Variants in SMG1 observed in about 807,000 individuals in gnomAD.
SMG1 encodes the protein serine/threonine-protein kinase SMG1.
Under a neutral mutation model 419.9 loss-of-function variants are expected in SMG1, and 22 were observed. The ratio of observed to expected loss-of-function variants is 0.05; its 90% CI spans 0.04 to 0.07. The LOEUF (loss-of-function observed/expected upper bound fraction) is 0.07. SMG1 is among the 10% of genes least tolerant of loss of function. SMG1 has a pLI of 1.00. For missense variants in SMG1, 3,185 were observed against 4,342.0 expected (o/e 0.73, Z 7.49); for synonymous variants, 1,538 against 1,553.5 (o/e 0.99, Z 0.23).
chr16:18,906,984 T>A (rs1359018064), intron 1 of SMG1, among the ~76,000 whole-genome samples: 1 of 152,224 alleles, frequency 6.6e-6, no homozygotes. Flanking sequence ...TGAGTGAAAC[T>A]CCTTTTTTAA....
At chr16:18,868,939 C>T (rs1447419410) in intron 20 of SMG1, among the ~76,000 whole-genome samples, 165 bp downstream of exon 20, 1 of 151,856 alleles carries the variant, frequency 6.6e-6, no homozygotes, top group Non-Finnish European at 1.5e-5. Context: ...AACATATTTC[C>T]AATGCAATTA....
chr16:18,871,562 T>C (rs1195453828), intron 15 of SMG1, 80 bp from the exon 16 acceptor site: 2 of 571,612 alleles, frequency 3.5e-6, no homozygotes, highest in South Asian at 3.3e-5. Context: ...TCTTCTTACA[T>C]TGGTCTTCTC....
intron 20 of SMG1, 22 bp downstream of exon 20, chr16:18,869,082 T>A (rs2035673846): frequency 6.3e-7 from 1 of 1,591,388 alleles, no homozygotes; most frequent in South Asian, 1.1e-5. Context: ...AGTATTCACA[T>A]CACAAAGCTT....
At chr16:18,861,276 T>TTC (rs2035205255) in intron 25 of SMG1, 1 of 152,342 alleles carries the variant, frequency 6.6e-6, no homozygotes, top group Admixed American at 6.6e-5. Flanking sequence ...TTTCACCTAC[T>TTC]TCTCTTTTTT....
chr16:18,821,031 C>T (rs2032482431), intron 55 of SMG1, among the ~76,000 whole-genome samples: 1 of 152,078 alleles, frequency 6.6e-6, no homozygotes, highest in Admixed American at 6.6e-5. Flanking sequence ...TCACAAAATT[C>T]CATTATCTAT....
At position 18,829,913 on chromosome 16, in the gene SMG1, G is replaced by A. The variant is rs778410323; in HGVS notation, c.9133+13C>T. 1 of 1,525,384 alleles carries A rather than the reference G, an allele frequency of 6.6e-7. No homozygotes were observed. The highest frequency in any genetic ancestry group is 8.8e-7 in the Non-Finnish European group (1 of 1,138,268). The allele number at this position is 1,525,384 out of a possible 1,614,324, so 94.5% of individuals were successfully genotyped here. On this transcript the variant is annotated intron_variant, in intron 53 of 62. Transcript: ENST00000446231. Reference sequence around the variant, plus strand: ...CATAGCTAAAGCTAGTATGTTTACAGGTAGAATATTACCTGACAATGTTTT... The same window carrying A: ...CATAGCTAAAGCTAGTATGTTTACAAGTAGAATATTACCTGACAATGTTTT...
rs2034730257 is a variant in SMG1, at chr16:18,853,683, T to C, written c.4668A>G (p.Thr1556=). The C allele has an allele frequency of 6.2e-7, 1 of 1,613,686 alleles. No homozygotes were observed. Among genetic ancestry groups the C allele is most frequent in the Non-Finnish European group, 8.5e-7 (1 of 1,179,752 alleles). The part of the protein sequence containing the change: ...VYRAQHQQNF[T]GLSTLSKNIL... ...TGTTTTTAGACAAAGTAGAAAGACCTGTGAAGTTCTGTTGGTGCTGAGCTC... is the reference window on the plus strand; with the variant it reads ...TGTTTTTAGACAAAGTAGAAAGACCCGTGAAGTTCTGTTGGTGCTGAGCTC... Residue 1556 remains threonine, a synonymous_variant, in exon 31 of 63, where the codon ACA becomes ACG. Coordinates refer to ENST00000446231, the MANE Select transcript of SMG1 (RefSeq NM_015092.5).
At chr16:18,877,284 T>C in intron 11 of SMG1, 52 bp from the exon 12 acceptor site, 2 of 1,334,896 alleles carry the variant, frequency 1.5e-6, no homozygotes, top group African/African-American at 1.5e-5. Flanking sequence ...CAAAAAGACA[T>C]GGAGAAACCT....
Position 18,877,200 on chromosome 16 carries a change from T to A in SMG1, c.1551A>T (p.Ser517=), listed in dbSNP as rs1428088824. 2 of 1,554,660 alleles carry A rather than the reference T, an allele frequency of 1.3e-6. No individual in the cohort carries two copies. Among genetic ancestry groups the A allele is most frequent in the Non-Finnish European group, 1.7e-6 (2 of 1,154,570 alleles). Residue 517 remains serine, a synonymous_variant, in exon 12 of 63, where the codon TCA becomes TCT. Transcript: ENST00000446231. ...IVEQINTKLP[S]SFVEKLFIPS... ...GTATAAACAGTTTTTCTACAAATGA[T>A]GATGGCAGTTTCGTATTTATCTGTT...
chr16:18,851,407 A>ACACG (rs1417519628), intron 33 of SMG1, among the ~76,000 whole-genome samples: 7 of 151,812 alleles, frequency 4.6e-5, no homozygotes, highest in African/African-American at 1.7e-4. Flanking sequence ...ACACACACAC[A>ACACG]CGCGCACGCG....
chr16:18,838,752 A>T, intron 42 of SMG1, 63 bp from the exon 43 acceptor site: 1 of 1,035,264 alleles, frequency 9.7e-7, no homozygotes, highest in Non-Finnish European at 1.4e-6. Flanking sequence ...TCCAACATGG[A>T]CGTGATACTA....
intron 1 of SMG1, among the ~76,000 whole-genome samples, chr16:18,899,647 C>T (rs1158076368): frequency 6.6e-6 from 1 of 151,998 alleles, no homozygotes; most frequent in East Asian, 1.9e-4. Context: ...TGTTAAAGAA[C>T]GGAAATGAGC....
intron 1 of SMG1, among the ~76,000 whole-genome samples, chr16:18,910,608 ACCCACCT>A (rs1457384299): frequency 4.0e-5 from 6 of 151,596 alleles, no homozygotes; most frequent in African/African-American, 1.5e-4. Flanking sequence ...CAAGTGATCC[ACCCACCT>A]CCCTGCCTTG....
intron 1 of SMG1, among the ~76,000 whole-genome samples, chr16:18,910,100 CT>C (rs377393201): frequency 0.073 from 10,671 of 146,668 alleles, 374 homozygotes; most frequent in African/African-American, 0.097. Flanking sequence ...GTACCAGAAT[CT>C]TTTTTTTTTT....
chr16:18,862,262 T>C (rs2035255596), intron 25 of SMG1, among the ~76,000 whole-genome samples: 2 of 152,212 alleles, frequency 1.3e-5, no homozygotes, highest in Non-Finnish European at 2.9e-5. Flanking sequence ...TCAATGTCCC[T>C]GTATTTTTTT....
At chr16:18,923,402 C>T (rs71382583) in intron 1 of SMG1, among the ~76,000 whole-genome samples, 14,428 of 152,106 alleles carry the variant, frequency 0.095, 740 homozygotes, top group Middle Eastern at 0.17. Flanking sequence ...CCCAGCACTT[C>T]GGGAGGCCAA....
chr16:18,811,597 C>T (rs1029267993), intron 62 of SMG1, among the ~76,000 whole-genome samples, 164 bp downstream of exon 62: 2 of 152,170 alleles, frequency 1.3e-5, no homozygotes, highest in African/African-American at 2.4e-5. Flanking sequence ...AAAATGGTGA[C>T]TACTTGACGA....
rs2030862373 is a variant in SMG1 at position 18,806,643 on chromosome 16, A to C, written c.*2926T>G. 6.6e-6 allele frequency: 1 copy of C among 152,218 alleles called. No individual in the cohort carries two copies. The highest frequency in any genetic ancestry group is 1.5e-5 in the Non-Finnish European group (1 of 68,052). The allele number at this position is 152,218 out of a possible 1,614,324, so 9.4% of individuals were successfully genotyped here. ...TAAATTAAAGACAGCAAAAAACTTA[A>C]GATTGAACTTCAATTTCCAAGGGTA... is the stretch of plus-strand genomic sequence containing the variant. On this transcript the variant is annotated 3_prime_UTR_variant, in exon 63 of 63. Transcript: ENST00000446231.
chr16:18,849,763 CCCATTTCTTGG>C (rs1251884573), intron 35 of SMG1, among the ~76,000 whole-genome samples, 175 bp downstream of exon 35: 1 of 152,218 alleles, frequency 6.6e-6, no homozygotes, highest in Non-Finnish European at 1.5e-5. Flanking sequence ...CTTTCAGCTT[CCCATTTCTTGG>C]AAAGGTGGGA....
Sources: allele counts gnomAD v4.1 joint callset (sites outside exome capture counted in the v4.1 genomes callset), GRCh38; gene constraint gnomAD v4.1.1; transcripts MANE v1.5; gene names NCBI Gene and HGNC (gene_info 2026-07-23, HGNC 2026-07-21).